GULP1: variants seen among roughly 807,000 people sequenced by gnomAD.
GULP1 encodes the protein GULP PTB domain containing engulfment adaptor 1, also known as PTB domain-containing engulfment adapter protein 1.
In GULP1, 19 loss-of-function variants were observed where a neutral mutation model predicts 40.9. The observed-to-expected ratio is 0.46, with a 90% CI of 0.32 to 0.68. GULP1 has a LOEUF of 0.68. Ranked by LOEUF, GULP1 falls within the 30% of genes least tolerant of loss-of-function variation. The pLI is 0.03. For missense variants in GULP1, 312 were observed against 362.2 expected (o/e 0.86, Z 1.12); for synonymous variants, 119 against 117.6 (o/e 1.01, Z -0.08).
intron 7 of GULP1, among the ~76,000 whole-genome samples, chr2:188,568,361 A>T (rs1189719435): frequency 5.9e-5 from 9 of 152,206 alleles, no homozygotes; most frequent in African/African-American, 2.2e-4. Context: ...AAAATTCTTT[A>T]TAATGTTGAT....
chr2:188,300,610 C>T (rs2035968841), intron 1 of GULP1, among the ~76,000 whole-genome samples: 1 of 151,952 alleles, frequency 6.6e-6, no homozygotes, highest in Admixed American at 6.6e-5. Flanking sequence ...CGCTATATTC[C>T]CTTCTTTTTG....
chr2:188,534,647 A>T (rs1688454320), intron 6 of GULP1, among the ~76,000 whole-genome samples: 1 of 152,172 alleles, frequency 6.6e-6, no homozygotes, highest in Non-Finnish European at 1.5e-5. Flanking sequence ...ATAAAAGTTT[A>T]AAAAAGTCTG....
At chr2:188,446,568 G>A (rs760436651) in intron 2 of GULP1, among the ~76,000 whole-genome samples, 3 of 152,084 alleles carry the variant, frequency 2.0e-5, no homozygotes, top group Non-Finnish European at 4.4e-5. Flanking sequence ...TTTGGATTCT[G>A]CTATTCTGAC....
chr2:188,482,422 T>C (rs1575527491), intron 3 of GULP1, among the ~76,000 whole-genome samples: 1 of 151,870 alleles, frequency 6.6e-6, no homozygotes, highest in South Asian at 2.1e-4. Context: ...CATGGTAAAA[T>C]AAATCTTTGA....
chr2:188,397,081 T>G (rs1260489851), intron 2 of GULP1, among the ~76,000 whole-genome samples: 1 of 152,228 alleles, frequency 6.6e-6, no homozygotes, highest in African/African-American at 2.4e-5. Flanking sequence ...GGCTGTAGCC[T>G]ACCACCTCTT....
chr2:188,429,287 G>C (rs2152809714), intron 2 of GULP1, among the ~76,000 whole-genome samples: 1 of 152,246 alleles, frequency 6.6e-6, no homozygotes, highest in South Asian at 2.1e-4. Context: ...TGGATCACTT[G>C]AGACCAGGAG....
At chr2:188,509,689 A>G (rs2064306627) in intron 4 of GULP1, among the ~76,000 whole-genome samples, 1 of 152,120 alleles carries the variant, frequency 6.6e-6, no homozygotes, top group African/African-American at 2.4e-5. Context: ...AAAATGGCTT[A>G]AGAGTTCAAA....
intron 2 of GULP1, among the ~76,000 whole-genome samples, chr2:188,433,164 C>T (rs146224346): frequency 6.6e-6 from 1 of 152,216 alleles, no homozygotes; most frequent in Non-Finnish European, 1.5e-5. Context: ...CCCCAGCATG[C>T]CCTTGAACTT....
Position 188,452,378 on chromosome 2 carries a change from A to G in GULP1, c.-44-25281A>G, listed in dbSNP as rs527254887. On this transcript the variant is annotated intron_variant, in intron 2 of 11. Transcript: ENST00000409830. ...TTCTGCCTGACAACAATTTTAGGATATAAAAATGCAAAATAAAGAGATAGA... is the reference window on the plus strand; with the variant it reads ...TTCTGCCTGACAACAATTTTAGGATGTAAAAATGCAAAATAAAGAGATAGA... Among the ~76,000 whole-genome samples, 11 of 152,332 alleles carry G rather than the reference A, an allele frequency of 7.2e-5. 1 individual carries two copies. The highest frequency in any genetic ancestry group is 6.8e-3 in the Middle Eastern group (2 of 294).
intron 2 of GULP1, among the ~76,000 whole-genome samples, chr2:188,399,690 GAAAAAAAA>G (rs55877284): frequency 9.3e-5 from 6 of 64,676 alleles, no homozygotes; most frequent in African/African-American, 2.0e-4. Flanking sequence ...GTCCCTACAA[GAAAAAAAA>G]AAAAAAAAAA....
At chr2:188,483,562 A>C in intron 4 of GULP1, 70 bp downstream of exon 4, 5 of 602,188 alleles carry the variant, frequency 8.3e-6, no homozygotes, top group South Asian at 2.8e-5. Flanking sequence ...GGCTAATCTC[A>C]GATTGCTTAT....
chr2:188,409,026 T>C (rs937762187), intron 2 of GULP1, among the ~76,000 whole-genome samples: 1 of 151,886 alleles, frequency 6.6e-6, no homozygotes, highest in Non-Finnish European at 1.5e-5. Flanking sequence ...AGTAAACAAC[T>C]GTATCAAAAA....
intron 1 of GULP1, among the ~76,000 whole-genome samples, chr2:188,377,330 T>A (rs1178113057): frequency 6.6e-6 from 1 of 152,250 alleles, no homozygotes; most frequent in Non-Finnish European, 1.5e-5. Flanking sequence ...TGTGTCGGGC[T>A]ATATGATTAG....
At chr2:188,516,451 C>T (rs868702744) in intron 4 of GULP1, among the ~76,000 whole-genome samples, 14 of 151,524 alleles carry the variant, frequency 9.2e-5, no homozygotes, top group Middle Eastern at 3.2e-3. Flanking sequence ...GATGGTAAGC[C>T]TCTTTGTGCT....
intron 2 of GULP1, among the ~76,000 whole-genome samples, chr2:188,429,174 T>C (rs2056570310): frequency 1.3e-5 from 2 of 152,126 alleles, no homozygotes; most frequent in Admixed American, 1.3e-4. Context: ...TTAACTTGAA[T>C]TTGGTGTCAG....
intron 1 of GULP1, among the ~76,000 whole-genome samples, chr2:188,382,656 C>G (rs1408212423): frequency 6.6e-6 from 1 of 152,098 alleles, no homozygotes; most frequent in Non-Finnish European, 1.5e-5. Context: ...GAGGCCAAAG[C>G]GGGCAGATCA....
intron 2 of GULP1, among the ~76,000 whole-genome samples, chr2:188,405,711 A>G (rs1236975932): frequency 6.6e-6 from 1 of 152,206 alleles, no homozygotes; most frequent in African/African-American, 2.4e-5. Flanking sequence ...GCATTGATGC[A>G]GTTACCAGGC....
chr2:188,519,540 G>A lies in GULP1; in HGVS notation c.91-3216G>A, dbSNP rs143555319. 1.4e-4 allele frequency among the ~76,000 whole-genome samples: 21 copies of A among 152,130 alleles called. No individual in the cohort carries two copies. The East Asian group carries it at 3.9e-3, about 28-fold the overall frequency. Reference sequence around the variant, plus strand: ...GCTAATCCTAGACCATCCACTAATCGCAGTGATATGATAAATTCAGAGAAG... The same window carrying A: ...GCTAATCCTAGACCATCCACTAATCACAGTGATATGATAAATTCAGAGAAG... On this transcript the variant is annotated intron_variant, in intron 4 of 11. Coordinates refer to ENST00000409830, the MANE Select transcript of GULP1 (RefSeq NM_016315.4).
chr2:188,388,873 A>G (rs1051482392), intron 2 of GULP1, among the ~76,000 whole-genome samples: 1 of 152,236 alleles, frequency 6.6e-6, no homozygotes, highest in African/African-American at 2.4e-5. Flanking sequence ...TTATGTTGGC[A>G]TGCAGATACT....
Sources: allele counts gnomAD v4.1 joint callset (sites outside exome capture counted in the v4.1 genomes callset), GRCh38; gene constraint gnomAD v4.1.1; transcripts MANE v1.5; gene names NCBI Gene and HGNC (gene_info 2026-07-23, HGNC 2026-07-21).